Variants in MARCHF11 observed in about 807,000 individuals in gnomAD.
MARCHF11 encodes membrane associated ring-CH-type finger 11, also known as E3 ubiquitin-protein ligase MARCHF11.
A neutral mutation model predicts 37.3 loss-of-function variants in MARCHF11; 29 were observed. The observed-to-expected ratio is 0.78, with a 90% CI of 0.58 to 1.06. The LOEUF is 1.06. Among genes scored for constraint, MARCHF11 ranks in the 50% least tolerant of loss-of-function variants. MARCHF11 has a pLI of 0.00. For synonymous variants in MARCHF11, 233 were observed against 228.0 expected (o/e 1.02, Z -0.20); for missense variants, 482 against 533.4 (o/e 0.90, Z 0.95).
At chr5:16,155,515 CCCCCAACT>C (rs552858626) in intron 2 of MARCHF11, among the ~76,000 whole-genome samples, 4 of 151,704 alleles carry the variant, frequency 2.6e-5, no homozygotes, top group Non-Finnish European at 5.9e-5. Context: ...ATTATATTTA[CCCCCAACT>C]CCCACAGTGT....
intron 3 of MARCHF11, among the ~76,000 whole-genome samples, chr5:16,078,229 T>G (rs1056903043): frequency 1.3e-5 from 2 of 152,150 alleles, no homozygotes; most frequent in African/African-American, 2.4e-5. Flanking sequence ...TGTTTGATCT[T>G]GGGGAAATTG....
intron 2 of MARCHF11, among the ~76,000 whole-genome samples, chr5:16,151,957 A>AT (rs1305185136): frequency 6.6e-6 from 1 of 151,882 alleles, no homozygotes; most frequent in Non-Finnish European, 1.5e-5. Context: ...ACTTATACCC[A>AT]TTTTTTTGGT....
chr5:16,069,641 G>C (rs1035745455), intron 3 of MARCHF11, among the ~76,000 whole-genome samples: 2 of 152,112 alleles, frequency 1.3e-5, no homozygotes, highest in African/African-American at 4.8e-5. Flanking sequence ...GAGAAATAAA[G>C]TAATAAATTC....
chr5:16,109,872 C>T (rs990271334), intron 2 of MARCHF11, among the ~76,000 whole-genome samples: 1 of 152,130 alleles, frequency 6.6e-6, no homozygotes, highest in African/African-American at 2.4e-5. Context: ...ATGCCTAGTG[C>T]CAGAAGTGAA....
At chr5:16,137,602 C>T (rs917999126) in intron 2 of MARCHF11, among the ~76,000 whole-genome samples, 2 of 152,134 alleles carry the variant, frequency 1.3e-5, no homozygotes, top group African/African-American at 2.4e-5. Context: ...GACTTTGGAA[C>T]TGGGTAACAG....
At chr5:16,171,891 T>C (rs1202229508) in intron 2 of MARCHF11, among the ~76,000 whole-genome samples, 3 of 152,114 alleles carry the variant, frequency 2.0e-5, no homozygotes, top group Non-Finnish European at 4.4e-5. Flanking sequence ...CAGGAAGCTG[T>C]GTGGAGGGGC....
chr5:16,156,624 C>T (rs573125771), intron 2 of MARCHF11, among the ~76,000 whole-genome samples: 28 of 151,934 alleles, frequency 1.8e-4, no homozygotes, highest in South Asian at 6.2e-4. Context: ...TGTACCAATC[C>T]TTTGCTGCAA....
At chr5:16,089,696 T>G (rs566128323) in intron 3 of MARCHF11, among the ~76,000 whole-genome samples, 1 of 152,172 alleles carries the variant, frequency 6.6e-6, no homozygotes, top group Non-Finnish European at 1.5e-5. Flanking sequence ...CTAGTCAAAT[T>G]AAAGCTCTAG....
intron 2 of MARCHF11, among the ~76,000 whole-genome samples, chr5:16,105,615 C>G (rs559165220): frequency 6.6e-6 from 1 of 152,258 alleles, no homozygotes; most frequent in East Asian, 1.9e-4. Context: ...AGAGAGGAGA[C>G]ACTTGGCCAA....
At chr5:16,107,787 G>A (rs1351611312) in intron 2 of MARCHF11, among the ~76,000 whole-genome samples, 1 of 152,016 alleles carries the variant, frequency 6.6e-6, no homozygotes, top group Non-Finnish European at 1.5e-5. Context: ...AGAATGGCGT[G>A]GCAGAGAAAC....
Position 16,150,980 on chromosome 5 carries a change from C to T in MARCHF11, c.693+26746G>A, listed in dbSNP as rs559808924. On this transcript the variant is annotated intron_variant, in intron 2 of 3. Transcript: ENST00000332432. ...TCAAGTGCTTCCCACTGCATGAGCC[C>T]CTTCTTTGATCTTCCCAGTTAAATT... Among the ~76,000 whole-genome samples the T allele has an allele frequency of 1.3e-3, 194 of 152,104 alleles. 1 individual carries two copies. The highest frequency in any genetic ancestry group is 2.3e-3 in the Non-Finnish European group (159 of 67,948).
At chr5:16,142,505 G>A (rs903602641) in intron 2 of MARCHF11, among the ~76,000 whole-genome samples, 2 of 151,986 alleles carry the variant, frequency 1.3e-5, no homozygotes, top group African/African-American at 4.8e-5. Flanking sequence ...CATGCAGGCT[G>A]GTTTTGCCCT....
intron 2 of MARCHF11, among the ~76,000 whole-genome samples, chr5:16,176,956 G>A (rs1210071676): frequency 6.6e-6 from 1 of 151,952 alleles, no homozygotes. Context: ...TTTTCCTTAA[G>A]ATGTCATTCT....
chr5:16,088,936 A>T (rs1486206599), intron 3 of MARCHF11, among the ~76,000 whole-genome samples: 1 of 152,318 alleles, frequency 6.6e-6, no homozygotes, highest in East Asian at 1.9e-4. Flanking sequence ...AAATGCTCAA[A>T]TTTCAAAAGA....
At chr5:16,098,810 T>C (rs1015414644) in intron 2 of MARCHF11, among the ~76,000 whole-genome samples, 5 of 148,818 alleles carry the variant, frequency 3.4e-5, no homozygotes, top group African/African-American at 1.3e-4. Context: ...AATGATCAAT[T>C]ATATTTAAAT....
chr5:16,168,115 G>T (rs988370287), intron 2 of MARCHF11, among the ~76,000 whole-genome samples: 4 of 152,056 alleles, frequency 2.6e-5, no homozygotes, highest in Admixed American at 1.3e-4. Flanking sequence ...GGGATGGTTG[G>T]TGTTTTTACC....
At chr5:16,091,618 A>T (rs1172717972) in intron 2 of MARCHF11, among the ~76,000 whole-genome samples, 1 of 152,222 alleles carries the variant, frequency 6.6e-6, no homozygotes, top group Non-Finnish European at 1.5e-5. Flanking sequence ...AAAATTGTAC[A>T]TTATCTGTTA....
intron 2 of MARCHF11, among the ~76,000 whole-genome samples, chr5:16,136,052 G>C (rs575538682): frequency 2.0e-5 from 3 of 152,152 alleles, no homozygotes; most frequent in Admixed American, 6.5e-5. Context: ...AGCCATTCCT[G>C]TCCATTACTA....
intron 2 of MARCHF11, among the ~76,000 whole-genome samples, chr5:16,169,263 A>G (rs187866779): frequency 1.7e-3 from 256 of 152,120 alleles, no homozygotes; most frequent in African/African-American, 6.0e-3. Context: ...TATGGGCGAC[A>G]TCCTCCTCAC....
Sources: gnomAD v4.1 joint callset for allele counts (sites outside exome capture counted in the v4.1 genomes callset) on GRCh38, gnomAD v4.1.1 for gene constraint, MANE v1.5 for transcripts, NCBI Gene and HGNC (gene_info 2026-07-23, HGNC 2026-07-21) for gene names.